The following HYDIN variants were observed in gnomAD, a reference collection of about 807,000 sequenced individuals.
HYDIN encodes axonemal central pair apparatus protein HYDIN.
In HYDIN, 132 loss-of-function variants were observed where a neutral mutation model predicts 403.9. That is an observed-to-expected ratio of 0.33 (90% CI 0.28 to 0.38). The LOEUF (loss-of-function observed/expected upper bound fraction) is 0.38, where lower values mean the gene tolerates loss of function less well. HYDIN is among the 10% of genes least tolerant of loss of function. The pLI, the probability that HYDIN is intolerant of heterozygous loss-of-function variation, is 1.00. For synonymous variants in HYDIN, 1,202 were observed against 1,891.7 expected, an observed-to-expected ratio of 0.64 and a Z score of 9.46; for missense variants, 2,827 against 5,009.5, an observed-to-expected ratio of 0.56 and a Z score of 13.15.
intron 1 of HYDIN, among the ~76,000 whole-genome samples, chr16:71,193,631 G>T (rs1374670952): frequency 1.3e-5 from 2 of 152,168 alleles, no homozygotes; most frequent in Non-Finnish European, 2.9e-5. Flanking sequence ...AAGGAGCTGA[G>T]TCTAAAAGAG....
At chr16:70,811,716 G>T (rs1386691632) in intron 84 of HYDIN, among the ~76,000 whole-genome samples, 1 of 151,968 alleles carries the variant, frequency 6.6e-6, no homozygotes, top group East Asian at 1.9e-4. Context: ...AATTAGCTGG[G>T]CGTGGTGGCA....
intron 84 of HYDIN, chr16:70,817,138 C>G (rs1597026725): frequency 6.7e-6 from 1 of 148,482 alleles, no homozygotes; most frequent in Non-Finnish European, 1.5e-5. Context: ...TGAAATCAAT[C>G]TGTTTGTAAA....
intron 85 of HYDIN, 28 bp downstream of exon 85, chr16:70,809,755 G>A (rs1184700029): frequency 6.5e-7 from 1 of 1,548,582 alleles, no homozygotes; most frequent in African/African-American, 1.4e-5. Context: ...GTGAGGGAAG[G>A]GCAGAAGGTA....
intron 10 of HYDIN, among the ~76,000 whole-genome samples, chr16:71,115,130 A>AT (rs1282125013): frequency 6.6e-6 from 1 of 150,908 alleles, no homozygotes; most frequent in Non-Finnish European, 1.5e-5. Flanking sequence ...TATAATTCCC[A>AT]TAATTCCCAC....
At chr16:70,949,169 GA>G (rs2077979814) in intron 41 of HYDIN, among the ~76,000 whole-genome samples, 1 of 151,956 alleles carries the variant, frequency 6.6e-6, no homozygotes, top group Non-Finnish European at 1.5e-5. Context: ...GGACATGGAT[GA>G]AATTGGAAAT....
At chr16:71,035,876 G>A (rs2081068646) in intron 18 of HYDIN, among the ~76,000 whole-genome samples, 1 of 152,016 alleles carries the variant, frequency 6.6e-6, no homozygotes, top group Admixed American at 6.6e-5. Flanking sequence ...GAAAGAGAAA[G>A]GAGGGTTGTG....
intron 13 of HYDIN, among the ~76,000 whole-genome samples, chr16:71,071,513 C>T (rs1286700392): frequency 2.0e-5 from 3 of 150,404 alleles, no homozygotes; most frequent in Non-Finnish European, 4.4e-5. Flanking sequence ...TATTTGCCTT[C>T]TCTTCAAATA....
intron 1 of HYDIN, among the ~76,000 whole-genome samples, chr16:71,200,696 T>A (rs1337575257): frequency 1.3e-5 from 2 of 152,158 alleles, no homozygotes; most frequent in Admixed American, 1.3e-4. Flanking sequence ...AAAAGAACAA[T>A]ACATGTTTTT....
chr16:71,095,558 G>A (rs1012054234), intron 10 of HYDIN, among the ~76,000 whole-genome samples: 11 of 151,986 alleles, frequency 7.2e-5, no homozygotes, highest in South Asian at 2.1e-4. Flanking sequence ...CTTAGATTTC[G>A]GAAGATCCAG....
At chr16:71,103,005 C>T (rs2083502149) in intron 10 of HYDIN, among the ~76,000 whole-genome samples, 1 of 150,066 alleles carries the variant, frequency 6.7e-6, no homozygotes, top group African/African-American at 2.5e-5. Context: ...TATTAAATGC[C>T]TTGTGTTATA....
chr16:70,844,595 C>G (rs916069258), intron 75 of HYDIN, among the ~76,000 whole-genome samples: 1 of 138,856 alleles, frequency 7.2e-6, no homozygotes, highest in African/African-American at 2.8e-5. Flanking sequence ...TCATTGGTAG[C>G]TTGATGGGGA....
chr16:71,074,707 C>CAAAAAAAAAAAA (rs59315287), intron 13 of HYDIN, among the ~76,000 whole-genome samples: 15 of 86,232 alleles, frequency 1.7e-4, no homozygotes, highest in South Asian at 4.3e-4. Flanking sequence ...CAAAAAACAC[C>CAAAAAAAAAAAA]AAAAAAAAAA....
chr16:70,847,989 T>TC (rs2038336834), intron 75 of HYDIN, among the ~76,000 whole-genome samples: 1 of 143,240 alleles, frequency 7.0e-6, no homozygotes, highest in South Asian at 2.3e-4. Context: ...TCCTTTTTGT[T>TC]CTTCATATTG....
At chr16:70,940,683 G>A (rs1180723119) in intron 43 of HYDIN, among the ~76,000 whole-genome samples, 2 of 152,244 alleles carry the variant, frequency 1.3e-5, no homozygotes, top group Non-Finnish European at 2.9e-5. Context: ...GCTGAGGGAT[G>A]CCTGGTCACT....
intron 18 of HYDIN, among the ~76,000 whole-genome samples, chr16:71,052,781 T>C (rs1223364551): frequency 3.1e-5 from 4 of 128,866 alleles, no homozygotes; most frequent in African/African-American, 1.3e-4. Context: ...ACCTGGGAGG[T>C]GGAAGGCTGC....
chr16:71,055,342 T>C (rs368823111), intron 18 of HYDIN, among the ~76,000 whole-genome samples: 3,630 of 151,802 alleles, frequency 0.024, 13 homozygotes, highest in Middle Eastern at 0.051. Flanking sequence ...TGAAATACTG[T>C]ATAAAAAGTG....
At chr16:71,012,577 C>T (rs2080124166) in intron 23 of HYDIN, among the ~76,000 whole-genome samples, 1 of 152,228 alleles carries the variant, frequency 6.6e-6, no homozygotes, top group Non-Finnish European at 1.5e-5. Context: ...CACATGCACA[C>T]ATGTGCATGC....
intron 23 of HYDIN, among the ~76,000 whole-genome samples, chr16:71,007,229 C>G (rs2079916867): frequency 6.6e-6 from 1 of 152,058 alleles, no homozygotes; most frequent in East Asian, 1.9e-4. Flanking sequence ...TTGGAAATGT[C>G]TGGCACACAG....
intron 74 of HYDIN, among the ~76,000 whole-genome samples, chr16:70,850,245 CA>C (rs369362970): frequency 7.4e-6 from 1 of 136,044 alleles, no homozygotes; most frequent in African/African-American, 3.6e-5. Context: ...ACCATCTCTC[CA>C]CCCCCCCCTG....
Sources: allele counts gnomAD v4.1 joint callset (sites outside exome capture counted in the v4.1 genomes callset), GRCh38; gene constraint gnomAD v4.1.1; transcripts MANE v1.5; gene names NCBI Gene and HGNC (gene_info 2026-07-23, HGNC 2026-07-21).